FAM117B: variants seen among roughly 807,000 people sequenced by gnomAD.
FAM117B encodes family with sequence similarity 117 member B.
Under a neutral mutation model 52.8 loss-of-function variants are expected in FAM117B, and 22 were observed. The observed-to-expected ratio is 0.42, with a 90% CI of 0.30 to 0.59. FAM117B has a LOEUF of 0.59. Among genes scored for constraint, FAM117B ranks in the 20% least tolerant of loss-of-function variants. The probability of loss-of-function intolerance (pLI) is 0.22; values close to 1 mark genes in which losing one functional copy is unlikely to be tolerated. For missense variants in FAM117B, 678 were observed against 802.6 expected, an observed-to-expected ratio of 0.84 and a Z score of 1.88; for synonymous variants, 309 against 324.1, an observed-to-expected ratio of 0.95 and a Z score of 0.50.
chr2:202,635,925 C>A, intron 1 of FAM117B, 137 bp downstream of exon 1: 3 of 855,866 alleles, frequency 3.5e-6, no homozygotes, highest in African/African-American at 5.8e-5. Flanking sequence ...CGGTGCCGGG[C>A]GGTGGGGGAC....
chr2:202,683,999 T>G (rs552675150), intron 1 of FAM117B, among the ~76,000 whole-genome samples: 1 of 152,194 alleles, frequency 6.6e-6, no homozygotes, highest in East Asian at 1.9e-4. Flanking sequence ...CCCGAGCAGC[T>G]GGGATCACAG....
intron 1 of FAM117B, among the ~76,000 whole-genome samples, chr2:202,655,707 T>TGAGAGAGAGAGAGAGAGAGAGAGA (rs60423652): frequency 1.0e-5 from 1 of 98,838 alleles, no homozygotes; most frequent in Non-Finnish European, 2.2e-5. Flanking sequence ...GGGAAGAGAG[T>TGAGAGAGAGAGAGAGAGAGAGAGA]GAGAGAGAGA....
At chr2:202,738,308 A>G (rs1002604022) in intron 4 of FAM117B, among the ~76,000 whole-genome samples, 1 of 152,220 alleles carries the variant, frequency 6.6e-6, no homozygotes, top group African/African-American at 2.4e-5. Flanking sequence ...TGTCATATCT[A>G]AGGTAGTCTT....
At chr2:202,651,645 A>G (rs1169680473) in intron 1 of FAM117B, among the ~76,000 whole-genome samples, 1 of 151,906 alleles carries the variant, frequency 6.6e-6, no homozygotes, top group Non-Finnish European at 1.5e-5. Flanking sequence ...AAGTGCTGGG[A>G]TTACAGGCGT....
intron 2 of FAM117B, among the ~76,000 whole-genome samples, chr2:202,698,551 T>C (rs1415793543): frequency 2.0e-5 from 3 of 152,090 alleles, no homozygotes; most frequent in Non-Finnish European, 4.4e-5. Context: ...GCCTCCCAAG[T>C]AGCTGGGACT....
intron 4 of FAM117B, among the ~76,000 whole-genome samples, chr2:202,728,301 C>G (rs760986632): frequency 6.6e-6 from 1 of 151,712 alleles, no homozygotes; most frequent in African/African-American, 2.4e-5. Flanking sequence ...ATTTATAGTT[C>G]GATTATAATT....
intron 1 of FAM117B, among the ~76,000 whole-genome samples, chr2:202,647,836 A>G (rs1206277253): frequency 2.0e-5 from 3 of 151,776 alleles, no homozygotes; most frequent in Admixed American, 2.0e-4. Context: ...AATAGGAAGT[A>G]TCTGACATTT....
At chr2:202,743,050 C>T (rs139289384) in intron 4 of FAM117B, among the ~76,000 whole-genome samples, 2 of 152,312 alleles carry the variant, frequency 1.3e-5, no homozygotes, top group East Asian at 1.9e-4. Flanking sequence ...GCCCAGCTCA[C>T]CACTGGCACC....
intron 2 of FAM117B, among the ~76,000 whole-genome samples, chr2:202,715,838 G>A (rs1364200050): frequency 2.0e-5 from 3 of 152,208 alleles, no homozygotes; most frequent in African/African-American, 7.2e-5. Context: ...CCGGCACCTC[G>A]GGAGGCCGAG....
chr2:202,692,520 T>C (rs992414870), intron 1 of FAM117B, among the ~76,000 whole-genome samples: 1 of 152,218 alleles, frequency 6.6e-6, no homozygotes, highest in Non-Finnish European at 1.5e-5. Context: ...GGACAAAATT[T>C]CAAAATATAA....
rs933143734 is a variant in FAM117B at position 202,769,665 on chromosome 2, G to A, written c.*3901G>A. On this transcript the variant is annotated 3_prime_UTR_variant, in exon 8 of 8. Coordinates refer to ENST00000392238, the MANE Select transcript of FAM117B (RefSeq NM_173511.4). ...TTCCAATGGTAATCGGTATTGTTACGCTGTACTTATGTATTCCCTGTACCT... is the reference window on the plus strand; with the variant it reads ...TTCCAATGGTAATCGGTATTGTTACACTGTACTTATGTATTCCCTGTACCT... 1 of 152,438 alleles carries A rather than the reference G, an allele frequency of 6.6e-6. No individual in the cohort carries two copies. The highest frequency in any genetic ancestry group is 2.4e-5 in the African/African-American group (1 of 41,352). 9.4% of individuals were successfully genotyped at this position (152,438 alleles called of 1,614,324 possible). A position where few individuals can be genotyped will look rare whatever the true frequency, so the allele number is the denominator to read the frequency against.
chr2:202,688,514 A>G (rs969804985), intron 1 of FAM117B, among the ~76,000 whole-genome samples: 1 of 152,158 alleles, frequency 6.6e-6, no homozygotes, highest in African/African-American at 2.4e-5. Context: ...GGAAACTATA[A>G]TGAAACTGAT....
intron 2 of FAM117B, among the ~76,000 whole-genome samples, chr2:202,722,698 G>A (rs1691174404): frequency 6.6e-6 from 1 of 151,990 alleles, no homozygotes; most frequent in Admixed American, 6.6e-5. Context: ...GGAGGGAGAG[G>A]ATCAGGGAAA....
chr2:202,718,526 C>T (rs1011299101), intron 2 of FAM117B, among the ~76,000 whole-genome samples: 4 of 151,952 alleles, frequency 2.6e-5, no homozygotes, highest in South Asian at 4.2e-4. Flanking sequence ...TTTATTGAAT[C>T]GTCTGTGCAT....
chr2:202,638,795 A>T (rs1014287997), intron 1 of FAM117B, among the ~76,000 whole-genome samples: 9 of 152,110 alleles, frequency 5.9e-5, no homozygotes, highest in Non-Finnish European at 1.2e-4. Flanking sequence ...AGAAAAATAA[A>T]AACTCTTATT....
rs950779914 is a variant in FAM117B, at chr2:202,724,919, A to G, written c.756A>G (p.Thr252=). ...CCTCCCCTCTTTTTTCATTACAGAC[A>G]GAGAGTGCATGGGCTGAAGAATACT... ...APCMRDKATQ[T]ESAWAEEYSE... Residue 252 remains threonine, a splice_region_variant and synonymous_variant, in exon 3 of 8, where the codon ACA becomes ACG. Transcript: ENST00000392238. 6.2e-7 allele frequency: 1 copy of G among 1,602,204 alleles called. No individual in the cohort carries two copies. Among genetic ancestry groups the G allele is most frequent in the Non-Finnish European group, 8.5e-7 (1 of 1,173,676 alleles).
intron 1 of FAM117B, among the ~76,000 whole-genome samples, chr2:202,675,388 G>A (rs887949640): frequency 7.7e-6 from 1 of 130,226 alleles, no homozygotes; most frequent in African/African-American, 2.9e-5. Flanking sequence ...AGAGATTGCC[G>A]TGAACCAAGA....
chr2:202,723,162 G>T (rs1380813843), intron 2 of FAM117B, among the ~76,000 whole-genome samples: 1 of 152,178 alleles, frequency 6.6e-6, no homozygotes, highest in Non-Finnish European at 1.5e-5. Flanking sequence ...ATCCTTGTCA[G>T]AATGGAGTCC....
At chr2:202,729,193 C>T (rs965744750) in intron 4 of FAM117B, among the ~76,000 whole-genome samples, 3 of 152,070 alleles carry the variant, frequency 2.0e-5, no homozygotes, top group Non-Finnish European at 4.4e-5. Context: ...CAAAAATTAG[C>T]GAGGCTGGCG....
Sources: allele counts gnomAD v4.1 joint callset (sites outside exome capture counted in the v4.1 genomes callset), GRCh38; gene constraint gnomAD v4.1.1; transcripts MANE v1.5; gene names NCBI Gene and HGNC (gene_info 2026-07-23, HGNC 2026-07-21).